The following NCKAP5 variants were observed in gnomAD, a reference collection of about 807,000 sequenced individuals.
NCKAP5 encodes the protein NCK associated protein 5.
Under a neutral mutation model 167.0 loss-of-function variants are expected in NCKAP5, and 92 were observed. The ratio of observed to expected loss-of-function variants is 0.55; its 90% CI spans 0.47 to 0.66. The LOEUF (loss-of-function observed/expected upper bound fraction) is 0.66, where lower values mean the gene tolerates loss of function less well. Ranked by LOEUF, NCKAP5 falls within the 30% of genes least tolerant of loss-of-function variation. The probability of loss-of-function intolerance (pLI) is 0.00; values close to 1 mark genes in which losing one functional copy is unlikely to be tolerated. For synonymous variants in NCKAP5, 891 were observed against 877.4 expected (o/e 1.02, Z -0.27); for missense variants, 2,378 against 2,315.0 (o/e 1.03, Z -0.56).
chr2:132,962,293 C>G (rs895034283), intron 8 of NCKAP5, among the ~76,000 whole-genome samples: 2 of 152,134 alleles, frequency 1.3e-5, no homozygotes, highest in Non-Finnish European at 2.9e-5. Flanking sequence ...CACACGTAAT[C>G]CTCGTTACTT....
At chr2:132,847,279 A>G (rs1006459027) in intron 11 of NCKAP5, among the ~76,000 whole-genome samples, 1 of 152,216 alleles carries the variant, frequency 6.6e-6, no homozygotes, top group Non-Finnish European at 1.5e-5. Flanking sequence ...AGTGCAATAC[A>G]TTGTACTAAG....
At chr2:133,527,093 G>A (rs1213513344) in intron 2 of NCKAP5, 1 of 151,964 alleles carries the variant, frequency 6.6e-6, no homozygotes, top group African/African-American at 2.4e-5. Context: ...GCAGGCTGTG[G>A]AGAGCTACAC....
At chr2:133,603,719 G>T in the NCKAP5 span, among the ~76,000 whole-genome samples, 1 of 150,458 alleles carries the variant, frequency 6.6e-6, no homozygotes, top group Non-Finnish European at 1.5e-5. Context: ...TGTATTTTTG[G>T]TAGAGCAGGG....
intron 8 of NCKAP5, among the ~76,000 whole-genome samples, chr2:132,948,517 A>C (rs1221525261): frequency 6.6e-6 from 1 of 152,172 alleles, no homozygotes; most frequent in Non-Finnish European, 1.5e-5. Context: ...CAGTTAGAGA[A>C]AACAGAAATC....
At chr2:133,398,859 G>C (rs1337494306) in intron 3 of NCKAP5, among the ~76,000 whole-genome samples, 1 of 152,174 alleles carries the variant, frequency 6.6e-6, no homozygotes, top group Non-Finnish European at 1.5e-5. Context: ...AGGCCCGACA[G>C]GGTTTAAACA....
At chr2:133,298,289 T>A (rs143731124) in intron 4 of NCKAP5, among the ~76,000 whole-genome samples, 36 of 152,310 alleles carry the variant, frequency 2.4e-4, no homozygotes, top group African/African-American at 8.7e-4. Flanking sequence ...ATCTTCTCAA[T>A]GGAATTATTC....
rs74900692 is a variant in NCKAP5 at position 132,783,061 on chromosome 2, G to C, written c.3750C>G (p.Ser1250=). ...SDGRDGVDNR[S]MRRSLSSSKP... ...TGCTGGAGGAAAGGGATCTTCTCATGGATCTATTATCTACCCCATCCCTTC... is the reference window on the plus strand; with the variant it reads ...TGCTGGAGGAAAGGGATCTTCTCATCGATCTATTATCTACCCCATCCCTTC... Residue 1250 remains serine, a synonymous_variant, in exon 14 of 20, where the codon TCC becomes TCG. Coordinates refer to ENST00000409261, the MANE Select transcript of NCKAP5 (RefSeq NM_207363.3). The C allele has an allele frequency of 4.1e-3, 6,588 of 1,613,810 alleles. 234 individuals carry two copies. The East Asian group carries it at 0.085, about 21-fold the overall frequency.
intron 3 of NCKAP5, among the ~76,000 whole-genome samples, chr2:133,315,511 T>C (rs1320623973): frequency 6.6e-6 from 1 of 151,954 alleles, no homozygotes; most frequent in Admixed American, 6.6e-5. Context: ...TCGTTAGTGC[T>C]CAAGAATTTT....
chr2:132,969,761 G>A (rs1044905121), intron 7 of NCKAP5, among the ~76,000 whole-genome samples: 1 of 144,666 alleles, frequency 6.9e-6, no homozygotes, highest in African/African-American at 2.9e-5. Context: ...AAGCTGCTCT[G>A]ATGTAACGCC....
intron 8 of NCKAP5, among the ~76,000 whole-genome samples, chr2:132,890,702 G>A (rs1039184680): frequency 2.6e-5 from 4 of 152,126 alleles, no homozygotes; most frequent in African/African-American, 9.7e-5. Flanking sequence ...AACTTACGGG[G>A]TTTCTGAATC....
intron 3 of NCKAP5, among the ~76,000 whole-genome samples, chr2:133,420,893 A>T (rs1461035270): frequency 6.6e-6 from 1 of 152,194 alleles, no homozygotes; most frequent in Non-Finnish European, 1.5e-5. Flanking sequence ...GCTGCTCAGC[A>T]GTCACGCAGC....
intron 11 of NCKAP5, among the ~76,000 whole-genome samples, chr2:132,821,344 A>C (rs1470343026): frequency 6.6e-6 from 1 of 152,180 alleles, no homozygotes; most frequent in African/African-American, 2.4e-5. Context: ...AGAAATATAG[A>C]AGTACAAGTA....
the NCKAP5 span, among the ~76,000 whole-genome samples, chr2:133,647,227 C>T: frequency 2.6e-5 from 4 of 151,640 alleles, no homozygotes; most frequent in Admixed American, 2.0e-4. Flanking sequence ...GTCCCAGCTA[C>T]TTAAGAGGCT....
chr2:133,226,711 A>G (rs2150230296), intron 4 of NCKAP5, among the ~76,000 whole-genome samples: 1 of 152,146 alleles, frequency 6.6e-6, no homozygotes, highest in South Asian at 2.1e-4. Flanking sequence ...AACAAGAAAG[A>G]TAGCCAGCAA....
rs191183432 is a variant in NCKAP5 at position 132,760,969 on chromosome 2, G to A, written c.5128+12847C>T. Among the ~76,000 whole-genome samples the A allele has an allele frequency of 7.2e-5, 11 of 152,280 alleles. No homozygotes were observed. In the East Asian group the frequency reaches 1.5e-3, roughly 21 times the overall value. On this transcript the variant is annotated intron_variant, in intron 16 of 19. Transcript: ENST00000409261. Reference sequence around the variant, plus strand: ...GGGGGATTTATGGGACACAAAAAGAGTGAATTAGGTCCCTGAGCCACATGA... The same window carrying A: ...GGGGGATTTATGGGACACAAAAAGAATGAATTAGGTCCCTGAGCCACATGA...
At chr2:133,469,413 A>G (rs977704355) in intron 3 of NCKAP5, among the ~76,000 whole-genome samples, 137 of 152,000 alleles carry the variant, frequency 9.0e-4, no homozygotes, top group African/African-American at 2.8e-3. Context: ...TTTGAGGGTA[A>G]CCCGACCTTT....
the NCKAP5 span, among the ~76,000 whole-genome samples, chr2:133,670,416 A>G: frequency 6.6e-6 from 1 of 152,206 alleles, no homozygotes; most frequent in Non-Finnish European, 1.5e-5. Flanking sequence ...AGTAGTCTCC[A>G]TTTCCCACCT....
At chr2:132,827,433 A>G (rs1687207583) in intron 11 of NCKAP5, among the ~76,000 whole-genome samples, 1 of 152,134 alleles carries the variant, frequency 6.6e-6, no homozygotes, top group Non-Finnish European at 1.5e-5. Context: ...AATTGTACAT[A>G]TTCATGGGGT....
intron 8 of NCKAP5, among the ~76,000 whole-genome samples, chr2:132,959,758 A>G (rs2076457358): frequency 6.6e-6 from 1 of 152,118 alleles, no homozygotes; most frequent in Non-Finnish European, 1.5e-5. Flanking sequence ...GAAAGGAGTG[A>G]TCCTTTCGTA....
Sources: allele counts gnomAD v4.1 joint callset (sites outside exome capture counted in the v4.1 genomes callset), GRCh38; gene constraint gnomAD v4.1.1; transcripts MANE v1.5; gene names NCBI Gene and HGNC (gene_info 2026-07-23, HGNC 2026-07-21).